Variants in GDNF observed in about 807,000 individuals in gnomAD.
The protein encoded by GDNF is glial cell derived neurotrophic factor.
In GDNF, 5 loss-of-function variants were observed where a neutral mutation model predicts 13.7. The ratio of observed to expected loss-of-function variants is 0.36; its 90% CI spans 0.19 to 0.77. The LOEUF (loss-of-function observed/expected upper bound fraction) is 0.77. Among genes scored for constraint, GDNF ranks in the 30% least tolerant of loss-of-function variants. GDNF has a pLI of 0.51. For missense variants in GDNF, 246 were observed against 274.3 expected (o/e 0.90, Z 0.73); for synonymous variants, 122 against 112.5 (o/e 1.08, Z -0.53).
chr5:37,816,005 C>A lies in GDNF; in HGVS notation c.282G>T (p.Gln94His). The part of the protein sequence containing the change: ...AVLPRRERNR[Q>H]AAAANPENSR... ...AATTCTCTGGGTTGGCAGCTGCAGCCTGCCGATTCCGCTCTCTTCTAGGAA... is the reference window on the plus strand; with the variant it reads ...AATTCTCTGGGTTGGCAGCTGCAGCATGCCGATTCCGCTCTCTTCTAGGAA... Residue 94 changes from glutamine to histidine, a missense_variant, in exon 3 of 3, where the codon CAG becomes CAT. Physicochemically the swap from Gln to His is conservative, Grantham distance 24. Transcript: ENST00000326524. 1 of 1,613,912 alleles carries A rather than the reference C, an allele frequency of 6.2e-7. No homozygotes were observed.
At chr5:37,834,923 C>T (rs1166483346) in intron 1 of GDNF, 101 bp from the exon 2 acceptor site, 1 of 1,062,170 alleles carries the variant, frequency 9.4e-7, no homozygotes. Flanking sequence ...CGTCACCGCC[C>T]TCCTCCGGCA....
In GDNF at chr5:37,815,594, G is replaced by T. The variant is rs1235135637; in HGVS notation, c.*57C>A. On this transcript the variant is annotated 3_prime_UTR_variant, in exon 3 of 3. Transcript: ENST00000326524. This position sits in a 1 kb window ranked among gnomAD's most constrained non-coding sequence, Gnocchi z 5.0. ...GGGCAAACATTTCCTGGGAACCTTGGTCCCTTTCTTTGCACTGTAGCAGGA... is the reference window on the plus strand; with the variant it reads ...GGGCAAACATTTCCTGGGAACCTTGTTCCCTTTCTTTGCACTGTAGCAGGA... 18 of 1,548,860 alleles carry T rather than the reference G, an allele frequency of 1.2e-5. No homozygotes were observed. The highest frequency in any genetic ancestry group is 1.6e-5 in the Non-Finnish European group (18 of 1,122,332).
At chr5:37,816,281 C>T in intron 2 of GDNF, 146 bp from the exon 3 acceptor site, 2 of 745,232 alleles carry the variant, frequency 2.7e-6, no homozygotes, top group South Asian at 3.2e-5. Flanking sequence ...CCACTGTAAT[C>T]CCCAAAAACA....
chr5:37,833,187 G>C (rs1488850449), intron 2 of GDNF, among the ~76,000 whole-genome samples: 1 of 152,210 alleles, frequency 6.6e-6, no homozygotes, highest in Non-Finnish European at 1.5e-5. Flanking sequence ...GTCTGGGTTA[G>C]AGAACTATTA....
chr5:37,824,914 G>A (rs1225553124), intron 2 of GDNF, among the ~76,000 whole-genome samples: 1 of 152,176 alleles, frequency 6.6e-6, no homozygotes, highest in Admixed American at 6.5e-5. Context: ...GCATGACATC[G>A]ATTTATTTGA....
Position 37,838,722 on chromosome 5 carries a change from G to C in GDNF, c.-27+785C>G, listed in dbSNP as rs1310778713. Among the ~76,000 whole-genome samples the C allele has an allele frequency of 2.0e-5, 3 of 152,234 alleles. No homozygotes were observed. The highest frequency in any genetic ancestry group is 4.4e-5 in the Non-Finnish European group (3 of 68,046). ...AAACCACCAGTGCGGAATTAGCCTC[G>C]AGGTGGTGTAAAGTAGTGGCAGTGG... On this transcript the variant is annotated intron_variant, in intron 1 of 2. Transcript: ENST00000326524. The surrounding 1 kb of genome is among the most constrained non-coding windows in gnomAD (Gnocchi z 4.1).
intron 2 of GDNF, among the ~76,000 whole-genome samples, chr5:37,817,037 G>C (rs1324407116): frequency 6.6e-6 from 1 of 152,200 alleles, no homozygotes; most frequent in African/African-American, 2.4e-5. Context: ...CATAGAAGCA[G>C]CCCTGCCCCC....
At chr5:37,832,047 T>C (rs945652485) in intron 2 of GDNF, among the ~76,000 whole-genome samples, 1 of 152,184 alleles carries the variant, frequency 6.6e-6, no homozygotes, top group Non-Finnish European at 1.5e-5. Flanking sequence ...AGTAATAGAA[T>C]TCTGGATGTT....
intron 2 of GDNF, among the ~76,000 whole-genome samples, chr5:37,822,476 G>A (rs552397329): frequency 1.3e-5 from 2 of 152,340 alleles, no homozygotes; most frequent in Non-Finnish European, 2.9e-5. Context: ...GTGGGGCTCA[G>A]TTTTGGGATG....
At chr5:37,817,651 T>C (rs1225450632) in intron 2 of GDNF, among the ~76,000 whole-genome samples, 1 of 151,900 alleles carries the variant, frequency 6.6e-6, no homozygotes, top group Non-Finnish European at 1.5e-5. Context: ...ACATATGATA[T>C]ATAATAATGA....
At chr5:37,827,945 C>A (rs1310362514) in intron 2 of GDNF, among the ~76,000 whole-genome samples, 1 of 152,190 alleles carries the variant, frequency 6.6e-6, no homozygotes, top group African/African-American at 2.4e-5. Flanking sequence ...TTCTTATTTG[C>A]AGGTTTGCAG....
chr5:37,821,252 T>C (rs953484745), intron 2 of GDNF, among the ~76,000 whole-genome samples: 1 of 152,166 alleles, frequency 6.6e-6, no homozygotes, highest in African/African-American at 2.4e-5. Context: ...GCCTCCATTT[T>C]CCAGGAATTC....
chr5:37,815,596 C>A lies in GDNF; in HGVS notation c.*55G>T. 3 of 1,557,936 alleles carry A rather than the reference C, an allele frequency of 1.9e-6. No homozygotes were observed. The highest frequency in any genetic ancestry group is 1.1e-5 in the South Asian group (1 of 90,048). ...GCAAACATTTCCTGGGAACCTTGGT[C>A]CCTTTCTTTGCACTGTAGCAGGAAT... On this transcript the variant is annotated 3_prime_UTR_variant, in exon 3 of 3. Coordinates refer to ENST00000326524, the MANE Select transcript of GDNF (RefSeq NM_000514.4). The surrounding 1 kb of genome is among the most constrained non-coding windows in gnomAD (Gnocchi z 5.0).
chr5:37,835,927 TCA>T (rs1435310125), intron 1 of GDNF: 2 of 535,222 alleles, frequency 3.7e-6, no homozygotes, highest in Non-Finnish European at 6.7e-6. Context: ...TTCTCAATCC[TCA>T]CACCCCTACA....
chr5:37,827,455 T>C (rs1259770524), intron 2 of GDNF, among the ~76,000 whole-genome samples: 3 of 152,244 alleles, frequency 2.0e-5, no homozygotes, highest in Admixed American at 2.0e-4. Flanking sequence ...AAAAAGAGGT[T>C]AATCTTAGTG....
intron 2 of GDNF, among the ~76,000 whole-genome samples, chr5:37,833,441 T>TATAATTTTGCCTTATA (rs929552506): frequency 1.3e-5 from 2 of 152,260 alleles, no homozygotes; most frequent in Non-Finnish European, 2.9e-5. Context: ...TTTGAAGTCT[T>TATAATTTTGCCTTATA]AATTTGCCTT....
intron 2 of GDNF, among the ~76,000 whole-genome samples, chr5:37,826,233 GA>G (rs1297264865): frequency 6.6e-6 from 1 of 152,190 alleles, no homozygotes; most frequent in Non-Finnish European, 1.5e-5. Context: ...GATAACATAA[GA>G]AAAGATTTCA....
rs1172482230 is a variant in GDNF at position 37,839,887 on chromosome 5, C to T, written c.-407G>A. On this transcript the variant is annotated 5_prime_UTR_variant, in exon 1 of 3. Transcript: ENST00000326524. The surrounding 1 kb of genome is among the most constrained non-coding windows in gnomAD (Gnocchi z 5.5). ...GCGGCTCAGCGGCAGCTGCCGCGCTCTGCGCCTCCTCTGGGCGCACTGCCT... is the reference window on the plus strand; with the variant it reads ...GCGGCTCAGCGGCAGCTGCCGCGCTTTGCGCCTCCTCTGGGCGCACTGCCT... 2 of 152,488 alleles carry T rather than the reference C, an allele frequency of 1.3e-5. No homozygotes were observed. Among genetic ancestry groups the T allele is most frequent in the Admixed American group, 6.5e-5 (1 of 15,284 alleles). 9.4% of individuals were successfully genotyped at this position (152,488 alleles called of 1,614,324 possible).
Position 37,834,818 on chromosome 5 carries a change from G to A in GDNF, c.-22C>T. ...TCATCTTAAAGTCCCGTCCGGCGGCGGCACCTGCGCGGGCAGGCGGGAGGT... is the reference window on the plus strand; with the variant it reads ...TCATCTTAAAGTCCCGTCCGGCGGCAGCACCTGCGCGGGCAGGCGGGAGGT... On this transcript the variant is annotated 5_prime_UTR_variant, in exon 2 of 3. Transcript: ENST00000326524. The A allele has an allele frequency of 6.2e-7, 1 of 1,612,440 alleles. No homozygotes were observed. The highest frequency in any genetic ancestry group is 8.5e-7 in the Non-Finnish European group (1 of 1,179,326).
Sources: gnomAD v4.1 joint callset for allele counts (sites outside exome capture counted in the v4.1 genomes callset) on GRCh38, gnomAD v4.1.1 for gene constraint, Gnocchi (gnomAD v3.1) non-coding constraint, MANE v1.5 for transcripts, NCBI Gene and HGNC (gene_info 2026-07-23, HGNC 2026-07-21) for gene names.